FSTL1: variants seen among roughly 807,000 people sequenced by gnomAD.
FSTL1 encodes the protein follistatin like 1, also known as follistatin-related protein 1.
In FSTL1, 24 loss-of-function variants were observed where a neutral mutation model predicts 45.9. The observed-to-expected ratio is 0.52, with a 90% CI of 0.38 to 0.74. The LOEUF (loss-of-function observed/expected upper bound fraction) is 0.74. Ranked by LOEUF, FSTL1 falls within the 30% of genes least tolerant of loss-of-function variation. The pLI, the probability that FSTL1 is intolerant of heterozygous loss-of-function variation, is 0.00. For synonymous variants in FSTL1, 120 were observed against 137.6 expected (o/e 0.87, Z 0.89); for missense variants, 340 against 381.8 (o/e 0.89, Z 0.91).
chr3:120,422,122 C>G (rs971627966), intron 2 of FSTL1, among the ~76,000 whole-genome samples: 3 of 152,136 alleles, frequency 2.0e-5, no homozygotes, highest in African/African-American at 7.2e-5. Context: ...AAGAGCCTTG[C>G]ACACTTCAGC....
At chr3:120,424,104 C>T (rs4676781) in intron 2 of FSTL1, 36,451 of 152,134 alleles carry the variant, frequency 0.24, 5,508 homozygotes, top group Non-Finnish European at 0.35. Context: ...AAAAAGAGAA[C>T]GGTCTGTAAT....
intron 4 of FSTL1, 50 bp downstream of exon 4, chr3:120,411,804 T>C: frequency 6.4e-7 from 1 of 1,565,352 alleles, no homozygotes; most frequent in Non-Finnish European, 8.8e-7. Context: ...GCTCTGTTCC[T>C]TGGCTCCCCG....
At chr3:120,436,614 G>C (rs879601887) in intron 2 of FSTL1, among the ~76,000 whole-genome samples, 1 of 152,186 alleles carries the variant, frequency 6.6e-6, no homozygotes. Flanking sequence ...CTGTCAGCAA[G>C]ACCAAGGCCA....
In FSTL1 at chr3:120,446,329, A is replaced by G. The variant is rs147721252; in HGVS notation, c.63+4355T>C. ...CAGCCCATGACCAGATCTTCACCTC[A>G]TGGTTCCTCTCCAACTTGCTTCTAT... On this transcript the variant is annotated intron_variant, in intron 2 of 10. Coordinates refer to ENST00000295633, the MANE Select transcript of FSTL1 (RefSeq NM_007085.5). Among the ~76,000 whole-genome samples, 75 of 152,222 alleles carry G rather than the reference A, an allele frequency of 4.9e-4. 1 individual carries two copies. In the East Asian group the frequency reaches 0.014, roughly 28 times the overall value.
chr3:120,450,295 A>G (rs1937855993), intron 2 of FSTL1, among the ~76,000 whole-genome samples: 1 of 152,238 alleles, frequency 6.6e-6, no homozygotes, highest in Non-Finnish European at 1.5e-5. Context: ...CCCCGCCCCC[A>G]GGAGACAGAC....
intron 2 of FSTL1, chr3:120,419,278 C>T (rs1281573081): frequency 6.6e-6 from 1 of 152,212 alleles, no homozygotes; most frequent in Non-Finnish European, 1.5e-5. Context: ...GCCTCATAGC[C>T]CTCCCCAGTG....
At chr3:120,405,780 T>C (rs1936936211) in intron 6 of FSTL1, among the ~76,000 whole-genome samples, 1 of 152,246 alleles carries the variant, frequency 6.6e-6, no homozygotes, top group African/African-American at 2.4e-5. Flanking sequence ...CTCAGCCATC[T>C]GGGACCATTC....
intron 2 of FSTL1, among the ~76,000 whole-genome samples, chr3:120,445,538 T>C (rs1937719882): frequency 6.7e-6 from 1 of 149,592 alleles, no homozygotes; most frequent in African/African-American, 2.6e-5. Context: ...GGTTCATACC[T>C]TTCTGTACTA....
intron 3 of FSTL1, among the ~76,000 whole-genome samples, chr3:120,415,620 T>C (rs1471702100): frequency 1.3e-5 from 2 of 152,196 alleles, no homozygotes; most frequent in Non-Finnish European, 2.9e-5. Flanking sequence ...GACTAAGGGA[T>C]TGAAGGGTTA....
chr3:120,410,330 AG>A, intron 5 of FSTL1: 2 of 173,414 alleles, frequency 1.2e-5, no homozygotes, highest in Non-Finnish European at 2.5e-5. Flanking sequence ...GTGGGTGAAA[AG>A]GGCACTGGGC....
chr3:120,424,427 G>A (rs1467461657), intron 2 of FSTL1, among the ~76,000 whole-genome samples: 2 of 152,224 alleles, frequency 1.3e-5, no homozygotes, highest in Non-Finnish European at 2.9e-5. Flanking sequence ...TAATGGGGCC[G>A]ACTCCAGGAG....
intron 2 of FSTL1, among the ~76,000 whole-genome samples, chr3:120,432,811 C>T (rs1005637576): frequency 6.6e-6 from 1 of 152,126 alleles, no homozygotes; most frequent in Admixed American, 6.6e-5. Context: ...GGAGTTAAGG[C>T]CACAGGTAAG....
chr3:120,400,152 A>G (rs896811326), intron 9 of FSTL1, 193 bp from the exon 10 acceptor site: 11 of 595,106 alleles, frequency 1.8e-5, no homozygotes, highest in African/African-American at 1.3e-4. Flanking sequence ...AACACATTGT[A>G]ACAAAGCAAT....
At chr3:120,404,725 T>C in intron 7 of FSTL1, 128 bp downstream of exon 7, 4 of 693,848 alleles carry the variant, frequency 5.8e-6, no homozygotes, top group Non-Finnish European at 1.1e-5. Context: ...CAGGACAGAA[T>C]TCCCATTTTG....
chr3:120,445,516 T>C (rs1937719233), intron 2 of FSTL1, among the ~76,000 whole-genome samples: 1 of 149,272 alleles, frequency 6.7e-6, no homozygotes, highest in South Asian at 2.1e-4. Context: ...TGTAACTTCA[T>C]GGTAACATAC....
intron 3 of FSTL1, among the ~76,000 whole-genome samples, chr3:120,414,581 G>A (rs1172040821): frequency 1.3e-5 from 2 of 152,106 alleles, no homozygotes; most frequent in African/African-American, 4.8e-5. Context: ...TTGAGAAATC[G>A]GATGGTTGCC....
At chr3:120,434,007 G>T (rs1471603158) in intron 2 of FSTL1, among the ~76,000 whole-genome samples, 1 of 152,330 alleles carries the variant, frequency 6.6e-6, no homozygotes, top group East Asian at 1.9e-4. Context: ...GTTTTGCTCA[G>T]GGAGTGGCAT....
chr3:120,403,192 A>G lies in FSTL1; in HGVS notation c.694+50T>C, dbSNP rs756179625. 15 of 1,025,008 alleles carry G rather than the reference A, an allele frequency of 1.5e-5. No homozygotes were observed. In the South Asian group the frequency reaches 1.8e-4, roughly 12 times the overall value. The allele number at this position is 1,025,008 out of a possible 1,614,324, so 63.5% of individuals were successfully genotyped here. A position where few individuals can be genotyped will look rare whatever the true frequency, so the allele number is the denominator to read the frequency against. Reference sequence around the variant, plus strand: ...ACCAATCCTCTCTATCTTGGCTCCTACAAAATGCCTCCATTCACTACAGCT... The same window carrying G: ...ACCAATCCTCTCTATCTTGGCTCCTGCAAAATGCCTCCATTCACTACAGCT... On this transcript the variant is annotated intron_variant, in intron 8 of 10. Coordinates refer to ENST00000295633, the MANE Select transcript of FSTL1 (RefSeq NM_007085.5).
rs1231277531 is a variant in FSTL1, at chr3:120,395,561, C to T, written c.*1391G>A. 2.1e-6 allele frequency: 1 copy of T among 470,048 alleles called. No homozygotes were observed. Among genetic ancestry groups the T allele is most frequent in the Non-Finnish European group, 4.4e-6 (1 of 228,668 alleles). 29.1% of individuals were successfully genotyped at this position (470,048 alleles called of 1,614,324 possible). On this transcript the variant is annotated 3_prime_UTR_variant, in exon 11 of 11. Coordinates refer to ENST00000295633, the MANE Select transcript of FSTL1 (RefSeq NM_007085.5). The stretch of plus-strand genomic sequence containing the variant: ...TTTCCCACTCTCTTCCTGCTTTACC[C>T]ATGAGGACTCCATATCATAGCACGA...
Sources: allele counts gnomAD v4.1 joint callset (sites outside exome capture counted in the v4.1 genomes callset), GRCh38; gene constraint gnomAD v4.1.1; transcripts MANE v1.5; gene names NCBI Gene and HGNC (gene_info 2026-07-23, HGNC 2026-07-21).